MCC: variants seen among roughly 807,000 people sequenced by gnomAD.
The protein encoded by MCC is colorectal mutant cancer protein.
Under a neutral mutation model 116.2 loss-of-function variants are expected in MCC, and 90 were observed. The ratio of observed to expected loss-of-function variants is 0.77; its 90% confidence interval spans 0.65 to 0.92. The LOEUF (loss-of-function observed/expected upper bound fraction) is 0.92. Among genes scored for constraint, MCC ranks in the 40% least tolerant of loss-of-function variants. The pLI is 0.00. For synonymous variants in MCC, 578 were observed against 510.5 expected (o/e 1.13, Z -1.78); for missense variants, 1,516 against 1,312.2 (o/e 1.16, Z -2.40).
chr5:113,147,295 A>G (rs1003375233), intron 4 of MCC, among the ~76,000 whole-genome samples: 1 of 152,200 alleles, frequency 6.6e-6, no homozygotes, highest in African/African-American at 2.4e-5. Flanking sequence ...TCCAGGGATA[A>G]AGCCCTGAGT....
chr5:113,391,227 T>A (rs1769393754), intron 1 of MCC, among the ~76,000 whole-genome samples: 1 of 151,878 alleles, frequency 6.6e-6, no homozygotes, highest in Non-Finnish European at 1.5e-5. Context: ...GATGGGAGCA[T>A]GATGATGGAT....
chr5:113,090,657 C>T (rs1031616440), intron 8 of MCC, among the ~76,000 whole-genome samples: 2 of 152,124 alleles, frequency 1.3e-5, no homozygotes, highest in Non-Finnish European at 1.5e-5. Flanking sequence ...CCCAGAAGGA[C>T]GATGGCAGAC....
At chr5:113,400,000 G>A (rs747371721) in intron 1 of MCC, 15 of 151,598 alleles carry the variant, frequency 9.9e-5, no homozygotes, top group Non-Finnish European at 1.3e-4. Flanking sequence ...CTGCAAACAA[G>A]TGAAGTATTA....
In MCC at chr5:113,064,098, T is replaced by C. The variant is rs778926571; in HGVS notation, c.2099A>G (p.Glu700Gly). ...KRAHDCRKTA[E>G]NAAKALLMKL... ...CATGAGCAGGGCCTTGGCAGCGTTC[T>C]CAGCTGTCTTCCGGCAGTCATGAGC... Residue 700 changes from glutamate (E) to glycine (G), a missense_variant, in exon 14 of 19, where the codon GAG becomes GGG. Transcript: ENST00000408903. 4.3e-6 allele frequency: 7 copies of C among 1,614,220 alleles called. No homozygotes were observed. Among genetic ancestry groups the C allele is most frequent in the Non-Finnish European group, 5.9e-6 (7 of 1,180,032 alleles).
intron 1 of MCC, chr5:113,433,342 A>C: frequency 5.6e-6 from 2 of 357,730 alleles, no homozygotes; most frequent in Non-Finnish European, 1.1e-5. Flanking sequence ...AGGGTCACGC[A>C]ACTGCCCCGG....
intron 3 of MCC, among the ~76,000 whole-genome samples, chr5:113,250,733 C>A (rs1764767517): frequency 6.6e-6 from 1 of 152,124 alleles, no homozygotes; most frequent in Non-Finnish European, 1.5e-5. Flanking sequence ...CAAAGACGGC[C>A]AATGCTGGAA....
rs893433112 is a variant in MCC at position 113,023,277 on chromosome 5, G to C, written c.*4025C>G. ...AAACTTTAAGAACTGGATAGTGAAG[G>C]CGTAACTTTTGTTTTGTAACCAGTT... On this transcript the variant is annotated 3_prime_UTR_variant, in exon 19 of 19. Transcript: ENST00000408903. 6.6e-6 allele frequency: 1 copy of C among 152,176 alleles called. No homozygotes were observed. 9.4% of individuals were successfully genotyped at this position (152,176 alleles called of 1,614,324 possible).
chr5:113,197,043 A>G (rs6871979), intron 3 of MCC, among the ~76,000 whole-genome samples: 1 of 152,194 alleles, frequency 6.6e-6, no homozygotes, highest in African/African-American at 2.4e-5. Flanking sequence ...AGATGTATAC[A>G]TGGAAATCTG....
chr5:113,267,595 G>A (rs1765467737), intron 3 of MCC, among the ~76,000 whole-genome samples: 1 of 152,138 alleles, frequency 6.6e-6, no homozygotes, highest in Non-Finnish European at 1.5e-5. Flanking sequence ...AACATACTGA[G>A]ATATGCTACA....
intron 3 of MCC, among the ~76,000 whole-genome samples, chr5:113,200,250 G>A (rs6859619): frequency 0.1 from 15,695 of 152,156 alleles, 2,524 homozygotes; most frequent in African/African-American, 0.34. Context: ...ATAAATGCAT[G>A]GTCTGTGAGT....
At chr5:113,367,165 GA>G (rs1464554703) in intron 2 of MCC, among the ~76,000 whole-genome samples, 1 of 151,768 alleles carries the variant, frequency 6.6e-6, no homozygotes, top group African/African-American at 2.4e-5. Flanking sequence ...CATGTTAATT[GA>G]TATGGAAATC....
chr5:113,209,627 C>T (rs1763048558), intron 3 of MCC, among the ~76,000 whole-genome samples: 1 of 152,270 alleles, frequency 6.6e-6, no homozygotes, highest in South Asian at 2.1e-4. Context: ...AAGCAAAAAG[C>T]AAGGTATGTT....
chr5:113,404,166 C>A (rs546692009), intron 1 of MCC, among the ~76,000 whole-genome samples: 1 of 152,230 alleles, frequency 6.6e-6, no homozygotes, highest in South Asian at 2.1e-4. Context: ...CACACCCGGC[C>A]CAGTTTGTTT....
chr5:113,249,431 T>C (rs1764708823), intron 3 of MCC, among the ~76,000 whole-genome samples: 2 of 152,252 alleles, frequency 1.3e-5, no homozygotes, highest in Non-Finnish European at 2.9e-5. Flanking sequence ...TTGTGCAAGC[T>C]ACATGCTACT....
intron 8 of MCC, among the ~76,000 whole-genome samples, chr5:113,098,344 T>A (rs1756176399): frequency 1.3e-5 from 2 of 152,360 alleles, no homozygotes; most frequent in East Asian, 3.9e-4. Flanking sequence ...ATGATCTGTT[T>A]ACTTGCCTGT....
At chr5:113,230,809 A>T (rs1763911771) in intron 3 of MCC, among the ~76,000 whole-genome samples, 1 of 152,184 alleles carries the variant, frequency 6.6e-6, no homozygotes, top group Non-Finnish European at 1.5e-5. Flanking sequence ...TGATTTCTCT[A>T]AAATGAAAAC....
At chr5:113,035,704 G>C (rs1482252604) in intron 17 of MCC, among the ~76,000 whole-genome samples, 4 of 152,138 alleles carry the variant, frequency 2.6e-5, no homozygotes, top group Admixed American at 1.3e-4. Flanking sequence ...TCACCTCCCA[G>C]AGAGGCCTAG....
chr5:113,432,145 TAAAC>T (rs975773356), intron 1 of MCC, among the ~76,000 whole-genome samples: 2 of 136,696 alleles, frequency 1.5e-5, no homozygotes, highest in Non-Finnish European at 3.2e-5. Flanking sequence ...AAAAAACAAA[TAAAC>T]AAACAAACAA....
At chr5:113,459,320 G>A (rs60227307) in intron 1 of MCC, among the ~76,000 whole-genome samples, 5,005 of 151,898 alleles carry the variant, frequency 0.033, 304 homozygotes, top group African/African-American at 0.11. Flanking sequence ...GGTGGATCAC[G>A]AGGTCAGGAG....
Sources: allele counts gnomAD v4.1 joint callset (sites outside exome capture counted in the v4.1 genomes callset), GRCh38; gene constraint gnomAD v4.1.1; transcripts MANE v1.5; gene names NCBI Gene and HGNC (gene_info 2026-07-23, HGNC 2026-07-21).